SGCD: variants seen among roughly 807,000 people sequenced by gnomAD.
SGCD encodes the protein sarcoglycan delta, also known as delta-sarcoglycan.
A neutral mutation model predicts 36.6 loss-of-function variants in SGCD; 18 were observed. The observed-to-expected ratio is 0.49, with a 90% CI of 0.34 to 0.73. SGCD has a LOEUF of 0.73. Among genes scored for constraint, SGCD ranks in the 30% least tolerant of loss-of-function variants. The probability of loss-of-function intolerance (pLI) is 0.01; values close to 1 mark genes in which losing one functional copy is unlikely to be tolerated. For synonymous variants in SGCD, 133 were observed against 130.6 expected, an observed-to-expected ratio of 1.02 and a Z score of -0.12; for missense variants, 387 against 346.7, an observed-to-expected ratio of 1.12 and a Z score of -0.92.
At chr5:156,402,158 TTTC>T (rs1772187851) in intron 3 of SGCD, among the ~76,000 whole-genome samples, 2 of 152,266 alleles carry the variant, frequency 1.3e-5, no homozygotes, top group African/African-American at 4.8e-5. Flanking sequence ...TTGTTTATCC[TTTC>T]ATCTATCAAT....
At chr5:156,046,616 G>A (rs1000206199) in intron 1 of SGCD, among the ~76,000 whole-genome samples, 4 of 151,918 alleles carry the variant, frequency 2.6e-5, no homozygotes, top group African/African-American at 9.7e-5. Flanking sequence ...TAATTGATTT[G>A]GGATGCGACA....
intron 1 of SGCD, among the ~76,000 whole-genome samples, chr5:155,905,312 A>G (rs866210599): frequency 1.3e-5 from 2 of 152,116 alleles, no homozygotes; most frequent in East Asian, 3.9e-4. Context: ...GGGTAAAACT[A>G]TTTTATCTAG....
intron 4 of SGCD, among the ~76,000 whole-genome samples, chr5:156,549,779 T>G (rs1036613484): frequency 1.3e-5 from 2 of 152,190 alleles, no homozygotes; most frequent in Non-Finnish European, 2.9e-5. Flanking sequence ...CGAACTGAAA[T>G]TCTACTTTAT....
intron 1 of SGCD, among the ~76,000 whole-genome samples, chr5:156,003,286 TC>T (rs1396482473): frequency 1.1e-4 from 16 of 152,370 alleles, no homozygotes; most frequent in African/African-American, 3.8e-4. Flanking sequence ...TACTGGTTCA[TC>T]ACTTAATCCC....
At chr5:156,265,165 C>G (rs1172850025) in intron 3 of SGCD, among the ~76,000 whole-genome samples, 2 of 152,142 alleles carry the variant, frequency 1.3e-5, no homozygotes, top group African/African-American at 4.8e-5. Flanking sequence ...CAGCCTCAGC[C>G]TTCATCTATT....
At chr5:156,635,906 G>T (rs1022328195) in intron 6 of SGCD, among the ~76,000 whole-genome samples, 1 of 151,382 alleles carries the variant, frequency 6.6e-6, no homozygotes, top group African/African-American at 2.4e-5. Flanking sequence ...GAGGCGGGAG[G>T]GATAGCATTA....
intron 3 of SGCD, among the ~76,000 whole-genome samples, chr5:156,404,216 C>T (rs1012361815): frequency 2.6e-5 from 4 of 152,178 alleles, no homozygotes; most frequent in Non-Finnish European, 4.4e-5. Context: ...CCTTCATCGG[C>T]TTACCTGTAT....
chr5:156,575,299 C>A (rs1200569350), intron 4 of SGCD, among the ~76,000 whole-genome samples: 1 of 152,146 alleles, frequency 6.6e-6, no homozygotes, highest in Non-Finnish European at 1.5e-5. Flanking sequence ...TGCTTACTGG[C>A]TTTCTCAGAA....
At chr5:156,280,448 C>T (rs534942788) in intron 3 of SGCD, among the ~76,000 whole-genome samples, 7 of 152,304 alleles carry the variant, frequency 4.6e-5, no homozygotes, top group African/African-American at 1.4e-4. Flanking sequence ...TCCTGAGCCA[C>T]AGAGACTTTT....
chr5:155,924,357 TGCTATA>T (rs1400509711), intron 1 of SGCD, among the ~76,000 whole-genome samples: 3 of 152,170 alleles, frequency 2.0e-5, no homozygotes, highest in Non-Finnish European at 4.4e-5. Flanking sequence ...AGGGATGTCT[TGCTATA>T]GCAGGAGAAC....
intron 3 of SGCD, among the ~76,000 whole-genome samples, chr5:156,402,895 C>G (rs1442318816): frequency 2.0e-5 from 3 of 152,158 alleles, no homozygotes; most frequent in Non-Finnish European, 1.5e-5. Context: ...GACTACCTAT[C>G]CTGCCTCAGT....
intron 4 of SGCD, among the ~76,000 whole-genome samples, chr5:156,523,743 A>G (rs1288366372): frequency 6.6e-6 from 1 of 151,982 alleles, no homozygotes; most frequent in Non-Finnish European, 1.5e-5. Context: ...AAAACTTCAT[A>G]CTTTATATGA....
At chr5:156,378,936 T>G (rs961373323) in intron 3 of SGCD, among the ~76,000 whole-genome samples, 3 of 152,206 alleles carry the variant, frequency 2.0e-5, no homozygotes, top group Non-Finnish European at 4.4e-5. Context: ...GATACTGCCT[T>G]TTATGATGAA....
At chr5:156,093,515 C>T (rs1425174032) in intron 1 of SGCD, among the ~76,000 whole-genome samples, 1 of 152,184 alleles carries the variant, frequency 6.6e-6, no homozygotes, top group Admixed American at 6.5e-5. Flanking sequence ...GATCCTCATT[C>T]ATCTTTTGGA....
At chr5:155,982,864 G>A (rs979491775) in intron 1 of SGCD, among the ~76,000 whole-genome samples, 2 of 152,150 alleles carry the variant, frequency 1.3e-5, no homozygotes, top group African/African-American at 4.8e-5. Flanking sequence ...CTCCGAAACA[G>A]AGGATGTGTG....
intron 6 of SGCD, among the ~76,000 whole-genome samples, chr5:156,628,034 G>T (rs906780296): frequency 2.0e-5 from 3 of 152,124 alleles, no homozygotes; most frequent in Non-Finnish European, 2.9e-5. Flanking sequence ...CCTGGCATCT[G>T]CTCAGCTTTG....
the SGCD span, among the ~76,000 whole-genome samples, chr5:155,820,083 G>A: frequency 2.6e-5 from 4 of 152,116 alleles, no homozygotes; most frequent in African/African-American, 9.7e-5. Context: ...GTGTGGCTGT[G>A]AGAATAGGGA....
chr5:155,980,029 G>A (rs1466909259), intron 1 of SGCD, among the ~76,000 whole-genome samples: 2 of 152,048 alleles, frequency 1.3e-5, no homozygotes, highest in Non-Finnish European at 2.9e-5. Flanking sequence ...ATTAGAAGGG[G>A]ATATAGAGAC....
At chr5:156,273,807 T>TA (rs113353673) in intron 3 of SGCD, among the ~76,000 whole-genome samples, 1 of 152,104 alleles carries the variant, frequency 6.6e-6, no homozygotes, top group African/African-American at 2.4e-5. Flanking sequence ...GAACACTTTT[T>TA]AAAAAAAGTC....
Sources: allele counts gnomAD v4.1 joint callset (sites outside exome capture counted in the v4.1 genomes callset), GRCh38; gene constraint gnomAD v4.1.1; transcripts MANE v1.5; gene names NCBI Gene and HGNC (gene_info 2026-07-23, HGNC 2026-07-21).